The following ZFHX3 variants were observed in gnomAD, a reference collection of about 807,000 sequenced individuals.
ZFHX3 encodes the protein zinc finger homeobox 3.
Under a neutral mutation model 279.1 loss-of-function variants are expected in ZFHX3, and 42 were observed. The ratio of observed to expected loss-of-function variants is 0.15; its 90% CI spans 0.12 to 0.19. ZFHX3 has a LOEUF of 0.19. Among genes scored for constraint, ZFHX3 ranks in the 10% least tolerant of loss-of-function variants. The pLI, the probability that ZFHX3 is intolerant of heterozygous loss-of-function variation, is 1.00. For missense variants in ZFHX3, 4,981 were observed against 4,754.0 expected (o/e 1.05, Z -1.40); for synonymous variants, 2,293 against 1,957.8 (o/e 1.17, Z -4.52).
intron 2 of ZFHX3, among the ~76,000 whole-genome samples, chr16:73,663,609 A>C (rs1288043627): frequency 2.0e-5 from 3 of 152,210 alleles, no homozygotes; most frequent in Non-Finnish European, 2.9e-5. Context: ...ACGGGTTTGA[A>C]AGCCCTTGGC....
chr16:73,563,526 A>T (rs2020407719), intron 2 of ZFHX3, among the ~76,000 whole-genome samples: 1 of 152,088 alleles, frequency 6.6e-6, no homozygotes. Flanking sequence ...CTGAAAGTGC[A>T]GTCTTAAAGG....
chr16:73,432,133 A>G (rs533976820), intron 3 of ZFHX3, among the ~76,000 whole-genome samples: 2 of 152,308 alleles, frequency 1.3e-5, no homozygotes, highest in African/African-American at 2.4e-5. Context: ...CAAGAAATAG[A>G]GTCTCGTGGT....
chr16:72,981,251 A>C (rs1483555863), intron 1 of ZFHX3, among the ~76,000 whole-genome samples: 1 of 152,186 alleles, frequency 6.6e-6, no homozygotes, highest in Non-Finnish European at 1.5e-5. Flanking sequence ...GAAAAAGACA[A>C]TATGCATCAC....
At chr16:72,933,686 T>C (rs967086005) in intron 3 of ZFHX3, among the ~76,000 whole-genome samples, 5 of 152,280 alleles carry the variant, frequency 3.3e-5, no homozygotes, top group African/African-American at 1.2e-4. Context: ...TTTCTTTTTG[T>C]TTATGGGTTT....
intron 7 of ZFHX3, among the ~76,000 whole-genome samples, chr16:73,112,518 G>T (rs1470333147): frequency 6.6e-6 from 1 of 151,906 alleles, no homozygotes; most frequent in Non-Finnish European, 1.5e-5. Flanking sequence ...TTTGAGACCA[G>T]CCTGGGCAAC....
intron 4 of ZFHX3, among the ~76,000 whole-genome samples, chr16:73,285,521 AC>A (rs1430414833): frequency 6.6e-6 from 1 of 152,198 alleles, no homozygotes; most frequent in East Asian, 1.9e-4. Context: ...GTGTGTCAGG[AC>A]GGGGGATCTG....
At chr16:73,211,022 C>G (rs897815433) in intron 5 of ZFHX3, among the ~76,000 whole-genome samples, 23 of 152,090 alleles carry the variant, frequency 1.5e-4, no homozygotes, top group African/African-American at 5.6e-4. Flanking sequence ...CTTTAGTTGA[C>G]TCTTGGGTCC....
At chr16:73,871,734 TA>T (rs992457697) in intron 1 of ZFHX3, among the ~76,000 whole-genome samples, 8 of 149,482 alleles carry the variant, frequency 5.4e-5, no homozygotes, top group Non-Finnish European at 7.4e-5. Flanking sequence ...AATCCCTCTT[TA>T]AAAAAAAAAT....
intron 1 of ZFHX3, among the ~76,000 whole-genome samples, chr16:73,707,914 C>T (rs1442551159): frequency 6.6e-6 from 1 of 152,066 alleles, no homozygotes; most frequent in Non-Finnish European, 1.5e-5. Flanking sequence ...AAGAGGCACA[C>T]ACAGGAGATT....
intron 9 of ZFHX3, 75 bp from the exon 10 acceptor site, chr16:72,788,923 T>A: frequency 6.7e-7 from 1 of 1,496,612 alleles, no homozygotes; most frequent in Non-Finnish European, 8.9e-7. Flanking sequence ...GTTTTACCGG[T>A]GTCACTGGCA....
At chr16:73,888,493 A>G (rs2030423402) in intron 1 of ZFHX3, among the ~76,000 whole-genome samples, 1 of 152,212 alleles carries the variant, frequency 6.6e-6, no homozygotes, top group Non-Finnish European at 1.5e-5. Context: ...CAATTCAAGG[A>G]GAAAAGGTAA....
intron 3 of ZFHX3, among the ~76,000 whole-genome samples, chr16:73,403,061 C>T (rs1006357468): frequency 6.6e-6 from 1 of 152,086 alleles, no homozygotes; most frequent in African/African-American, 2.4e-5. Context: ...CATGTGTACA[C>T]GTGTGCATGT....
chr16:73,039,972 T>C (rs918577614), intron 1 of ZFHX3, among the ~76,000 whole-genome samples: 1 of 152,220 alleles, frequency 6.6e-6, no homozygotes, highest in Admixed American at 6.5e-5. Context: ...ACTAATAATT[T>C]AAAAACTATA....
intron 5 of ZFHX3, among the ~76,000 whole-genome samples, chr16:73,222,194 T>C (rs1373331194): frequency 6.6e-6 from 1 of 152,118 alleles, no homozygotes; most frequent in African/African-American, 2.4e-5. Flanking sequence ...TCTCCTGATA[T>C]GAGTGTTATA....
chr16:73,693,732 T>C (rs944347535), intron 1 of ZFHX3, among the ~76,000 whole-genome samples: 2 of 152,194 alleles, frequency 1.3e-5, no homozygotes, highest in African/African-American at 4.8e-5. Flanking sequence ...AGTTAGGATT[T>C]CAATTACATT....
intron 9 of ZFHX3, chr16:72,789,114 T>A (rs2035591606): frequency 2.6e-6 from 1 of 390,966 alleles, no homozygotes; most frequent in Non-Finnish European, 4.5e-6. Flanking sequence ...GGCTCAGAGC[T>A]GGACAACCTT....
chr16:72,978,388 T>C (rs12596810), intron 1 of ZFHX3, among the ~76,000 whole-genome samples: 20,823 of 152,100 alleles, frequency 0.14, 1,760 homozygotes, highest in East Asian at 0.4. Context: ...GGTGATGCAA[T>C]TTCATTTTCA....
At chr16:72,898,564 C>T (rs566940683) in intron 3 of ZFHX3, among the ~76,000 whole-genome samples, 5 of 152,274 alleles carry the variant, frequency 3.3e-5, no homozygotes, top group African/African-American at 9.6e-5. Context: ...GGCTTTGACT[C>T]TTTCCTGGAA....
At chr16:73,844,671 T>C (rs1238185365) in intron 1 of ZFHX3, among the ~76,000 whole-genome samples, 2 of 151,716 alleles carry the variant, frequency 1.3e-5, no homozygotes, top group African/African-American at 2.4e-5. Flanking sequence ...AGGAAGATGA[T>C]AGACATGATT....
Sources: allele counts gnomAD v4.1 joint callset (sites outside exome capture counted in the v4.1 genomes callset), GRCh38; gene constraint gnomAD v4.1.1; transcripts MANE v1.5; gene names NCBI Gene and HGNC (gene_info 2026-07-23, HGNC 2026-07-21).